The following CALCR variants were observed in gnomAD, a reference collection of about 807,000 sequenced individuals.
The protein encoded by CALCR is calcitonin receptor.
A neutral mutation model predicts 59.5 loss-of-function variants in CALCR; 47 were observed. The observed-to-expected ratio is 0.79, with a 90% CI of 0.63 to 1.01. The LOEUF is 1.01. Among genes scored for constraint, CALCR ranks in the 50% least tolerant of loss-of-function variants. The pLI, the probability that CALCR is intolerant of heterozygous loss-of-function variation, is 0.00. For synonymous variants in CALCR, 213 were observed against 211.3 expected, an observed-to-expected ratio of 1.01 and a Z score of -0.07; for missense variants, 566 against 597.1, an observed-to-expected ratio of 0.95 and a Z score of 0.54.
chr7:93,470,253 T>C (rs1800523495), intron 6 of CALCR, among the ~76,000 whole-genome samples: 1 of 141,788 alleles, frequency 7.1e-6, no homozygotes, highest in African/African-American at 2.6e-5. Flanking sequence ...GATTTAGGAA[T>C]CTTATACACA....
At chr7:93,572,368 T>C (rs1362007443) in intron 2 of CALCR, among the ~76,000 whole-genome samples, 1 of 152,116 alleles carries the variant, frequency 6.6e-6, no homozygotes, top group Non-Finnish European at 1.5e-5. Flanking sequence ...CATATTACAA[T>C]CACCTAAAGA....
chr7:93,482,998 G>A (rs1386479672), intron 3 of CALCR: 3 of 424,052 alleles, frequency 7.1e-6, no homozygotes, highest in African/African-American at 6.3e-5. Flanking sequence ...CATACCCATT[G>A]GGGCATTACG....
At chr7:93,519,471 T>C (rs1801713963) in intron 2 of CALCR, among the ~76,000 whole-genome samples, 1 of 152,118 alleles carries the variant, frequency 6.6e-6, no homozygotes, top group African/African-American at 2.4e-5. Flanking sequence ...AATGATAGTC[T>C]GTCTTTATAT....
chr7:93,520,421 T>G (rs1439282459), intron 2 of CALCR, among the ~76,000 whole-genome samples: 1 of 152,130 alleles, frequency 6.6e-6, no homozygotes, highest in Non-Finnish European at 1.5e-5. Context: ...CACGATTTAA[T>G]CATTAAGAGA....
At chr7:93,435,847 T>C (rs938242394) in intron 12 of CALCR, 105 bp downstream of exon 12, 7 of 400,392 alleles carry the variant, frequency 1.7e-5, no homozygotes, top group Non-Finnish European at 3.1e-5. Context: ...AATAAATAAA[T>C]AAACAAATAA....
intron 6 of CALCR, among the ~76,000 whole-genome samples, chr7:93,470,995 A>C (rs1301719937): frequency 1.4e-5 from 2 of 141,706 alleles, no homozygotes; most frequent in African/African-American, 5.3e-5. Flanking sequence ...CTCATTGTTC[A>C]ATTCCCACCT....
chr7:93,557,822 A>G (rs1025435045), intron 2 of CALCR, among the ~76,000 whole-genome samples: 1 of 151,960 alleles, frequency 6.6e-6, no homozygotes, highest in African/African-American at 2.4e-5. Context: ...CTAAATTCCA[A>G]TATGTTCCTA....
At chr7:93,507,041 T>C (rs1422079647) in intron 2 of CALCR, among the ~76,000 whole-genome samples, 5 of 152,220 alleles carry the variant, frequency 3.3e-5, no homozygotes, top group Non-Finnish European at 5.9e-5. Context: ...CATGTGGAAC[T>C]GTGAGTCCAT....
At chr7:93,469,842 T>C (rs1800516489) in intron 6 of CALCR, among the ~76,000 whole-genome samples, 1 of 151,566 alleles carries the variant, frequency 6.6e-6, no homozygotes, top group Admixed American at 6.6e-5. Flanking sequence ...GATGAATACC[T>C]TCTATGAAGT....
chr7:93,444,793 T>C (rs1277830464), intron 8 of CALCR, among the ~76,000 whole-genome samples: 1 of 152,138 alleles, frequency 6.6e-6, no homozygotes, highest in African/African-American at 2.4e-5. Flanking sequence ...TTTGCATTAC[T>C]ATTATTTTAC....
intron 2 of CALCR, among the ~76,000 whole-genome samples, chr7:93,514,095 A>G (rs979899352): frequency 4.6e-5 from 7 of 152,024 alleles, no homozygotes; most frequent in African/African-American, 1.7e-4. Context: ...AGCACTTACT[A>G]TACTCTGCAC....
At chr7:93,495,779 G>C in intron 2 of CALCR, 1 of 835,756 alleles carries the variant, frequency 1.2e-6, no homozygotes, top group Non-Finnish European at 1.9e-6. Context: ...GATCAATGTG[G>C]AGCCTAAAAA....
chr7:93,460,570 A>ATAT (rs35957592), intron 8 of CALCR, among the ~76,000 whole-genome samples: 947 of 72,760 alleles, frequency 0.013, 13 homozygotes, highest in Non-Finnish European at 0.018. Context: ...AAAAAAAAAA[A>ATAT]AAATATATAT....
chr7:93,495,681 A>G (rs1200873668), intron 2 of CALCR, among the ~76,000 whole-genome samples: 2 of 151,264 alleles, frequency 1.3e-5, no homozygotes, highest in Non-Finnish European at 3.0e-5. Context: ...TAGGGTAATG[A>G]TTTCCGGCAT....
Position 93,438,077 on chromosome 7 carries a change from C to G in CALCR, c.913G>C (p.Val305Leu), listed in dbSNP as rs1216372745. The G allele has an allele frequency of 1.2e-6, 2 of 1,613,592 alleles. No homozygotes were observed. The highest frequency in any genetic ancestry group is 1.7e-5 in the Admixed American group (1 of 60,016). ...ATTCTCACCACAAGTGCCGCCATGA[C>G]AGGTCCATGGATTATGTAAAGCAAA... Reference protein sequence around the residue: ...THLLYIIHGPVMAALVVNFFF... With the variant: ...THLLYIIHGPLMAALVVNFFF... Residue 305 changes from valine to leucine, a missense_variant, in exon 11 of 14, where the codon GTC becomes CTC. Physicochemically the swap from Val to Leu is conservative, Grantham distance 32. Transcript: ENST00000426151.
At chr7:93,433,895 C>T (rs3815058) in intron 13 of CALCR, among the ~76,000 whole-genome samples, 9,578 of 152,246 alleles carry the variant, frequency 0.063, 396 homozygotes, top group South Asian at 0.15. Context: ...TAGTACAAAC[C>T]GAATGGAGAT....
At chr7:93,448,592 A>G (rs1324495023) in intron 8 of CALCR, among the ~76,000 whole-genome samples, 1 of 151,998 alleles carries the variant, frequency 6.6e-6, no homozygotes, top group Non-Finnish European at 1.5e-5. Flanking sequence ...AAGTGCCACT[A>G]TGTACAATGA....
intron 2 of CALCR, among the ~76,000 whole-genome samples, chr7:93,538,747 A>T (rs987354252): frequency 2.0e-5 from 3 of 152,086 alleles, no homozygotes; most frequent in African/African-American, 4.8e-5. Context: ...CATGTGTGCT[A>T]TACCTCCTAG....
chr7:93,547,654 G>T (rs1220068191), intron 2 of CALCR, among the ~76,000 whole-genome samples: 2 of 152,112 alleles, frequency 1.3e-5, no homozygotes, highest in African/African-American at 4.8e-5. Flanking sequence ...TAGAATGCAG[G>T]TGCTCCCAGC....
Sources: gnomAD v4.1 joint callset for allele counts (sites outside exome capture counted in the v4.1 genomes callset) on GRCh38, gnomAD v4.1.1 for gene constraint, MANE v1.5 for transcripts, NCBI Gene and HGNC (gene_info 2026-07-23, HGNC 2026-07-21) for gene names.